The following TENM3 variants were observed in gnomAD, a reference collection of about 807,000 sequenced individuals.
The protein encoded by TENM3 is teneurin-3.
Under a neutral mutation model 255.1 loss-of-function variants are expected in TENM3, and 63 were observed. The ratio of observed to expected loss-of-function variants is 0.25; its 90% CI spans 0.20 to 0.30. The LOEUF (loss-of-function observed/expected upper bound fraction) is 0.30, where lower values mean the gene tolerates loss of function less well. Ranked by LOEUF, TENM3 falls within the 10% of genes least tolerant of loss-of-function variation. The probability of loss-of-function intolerance (pLI) is 1.00; values close to 1 mark genes in which losing one functional copy is unlikely to be tolerated. For missense variants in TENM3, 2,929 were observed against 3,461.1 expected (o/e 0.85, Z 3.86); for synonymous variants, 1,306 against 1,322.3 (o/e 0.99, Z 0.27).
the TENM3 span, among the ~76,000 whole-genome samples, chr4:182,100,145 C>T: frequency 6.6e-6 from 1 of 152,062 alleles, no homozygotes; most frequent in Non-Finnish European, 1.5e-5. Flanking sequence ...GAATCTGCCA[C>T]CAAGACCACC....
intron 1 of TENM3, 81 bp from the exon 2 acceptor site, chr4:182,323,865 T>C: frequency 1.6e-6 from 1 of 620,172 alleles, no homozygotes; most frequent in Non-Finnish European, 2.8e-6. Flanking sequence ...TTTCCTACCA[T>C]CCCAGATTGA....
the TENM3 span, among the ~76,000 whole-genome samples, chr4:181,750,077 T>C: frequency 6.6e-6 from 1 of 152,162 alleles, no homozygotes; most frequent in Admixed American, 6.5e-5. Flanking sequence ...CTTTGGTCCA[T>C]GCGGAAAGCA....
chr4:181,587,293 G>A, the TENM3 span, among the ~76,000 whole-genome samples: 1 of 152,110 alleles, frequency 6.6e-6, no homozygotes, highest in Admixed American at 6.5e-5. Context: ...GCACCTTTTA[G>A]CCATTGAATC....
At chr4:181,931,023 A>G in the TENM3 span, among the ~76,000 whole-genome samples, 2 of 152,216 alleles carry the variant, frequency 1.3e-5, no homozygotes, top group East Asian at 1.9e-4. Context: ...TCTCAAAATA[A>G]TAAGAGCTAT....
chr4:182,235,443 G>A (rs1373873097), intron 1 of TENM3, among the ~76,000 whole-genome samples: 1 of 152,176 alleles, frequency 6.6e-6, no homozygotes, highest in African/African-American at 2.4e-5. Context: ...AAAGACAGAT[G>A]TTGTCTTGTG....
chr4:182,641,295 G>A (rs1219097267), intron 5 of TENM3, among the ~76,000 whole-genome samples: 2 of 152,006 alleles, frequency 1.3e-5, no homozygotes, highest in South Asian at 2.1e-4. Flanking sequence ...GCTGTTTTTC[G>A]GATTTTGCCA....
At chr4:182,603,952 CA>C (rs1217569996) in intron 4 of TENM3, among the ~76,000 whole-genome samples, 1 of 151,876 alleles carries the variant, frequency 6.6e-6, no homozygotes, top group Non-Finnish European at 1.5e-5. Context: ...TAATTGGTTA[CA>C]AAATGGCATG....
chr4:182,260,319 T>G (rs1399812026), intron 1 of TENM3, among the ~76,000 whole-genome samples: 1 of 152,208 alleles, frequency 6.6e-6, no homozygotes, highest in East Asian at 1.9e-4. Context: ...CTCCATATAG[T>G]TTTCCATAGT....
At chr4:182,791,926 C>T (rs922809946) in intron 25 of TENM3, among the ~76,000 whole-genome samples, 26 of 152,148 alleles carry the variant, frequency 1.7e-4, no homozygotes, top group African/African-American at 5.8e-4. Flanking sequence ...ATGCTCTTTT[C>T]TCCTCAAAAT....
Position 182,691,977 on chromosome 4 carries a change from G to C in TENM3, c.2221+3626G>C, listed in dbSNP as rs576868680. The stretch of plus-strand genomic sequence containing the variant: ...CTTCAAAGGATTATACTCATGTGCT[G>C]CCACTGTTTTTCATGGGTAGGAAAT... On this transcript the variant is annotated intron_variant, in intron 12 of 27. Transcript: ENST00000511685. Among the ~76,000 whole-genome samples, 22 of 146,842 alleles carry C rather than the reference G, an allele frequency of 1.5e-4. No individual in the cohort carries two copies. In the South Asian group the frequency reaches 4.8e-3, roughly 32 times the overall value.
At chr4:182,348,632 C>T (rs1764981413) in intron 3 of TENM3, among the ~76,000 whole-genome samples, 1 of 152,156 alleles carries the variant, frequency 6.6e-6, no homozygotes, top group Non-Finnish European at 1.5e-5. Context: ...GTGCACTTTC[C>T]AAACAAACCT....
chr4:182,731,152 C>T lies in TENM3; in HGVS notation c.2967+13C>T. On this transcript the variant is annotated intron_variant, in intron 16 of 27. Coordinates refer to ENST00000511685, the MANE Select transcript of TENM3 (RefSeq NM_001080477.4). ...TCCCGAAACACAGGTAAAATATTCT[C>T]ACAGGCAGTACTTGTAAATACAAGA... 6.2e-7 allele frequency: 1 copy of T among 1,610,202 alleles called. No homozygotes were observed. The highest frequency in any genetic ancestry group is 8.5e-7 in the Non-Finnish European group (1 of 1,178,030).
intron 4 of TENM3, among the ~76,000 whole-genome samples, chr4:182,619,387 C>T (rs1294500527): frequency 5.3e-5 from 8 of 151,688 alleles, no homozygotes; most frequent in African/African-American, 1.2e-4. Flanking sequence ...GCCGAGATCA[C>T]GCTACTGCAC....
At chr4:182,493,465 T>C (rs1392010033) in intron 3 of TENM3, among the ~76,000 whole-genome samples, 1 of 152,160 alleles carries the variant, frequency 6.6e-6, no homozygotes, top group East Asian at 1.9e-4. Context: ...CAGAGCATGC[T>C]TTATGCCTTA....
chr4:181,998,776 T>C, the TENM3 span, among the ~76,000 whole-genome samples: 1 of 152,136 alleles, frequency 6.6e-6, no homozygotes, highest in African/African-American at 2.4e-5. Flanking sequence ...CCTTCCTTAT[T>C]ATGACAAAGC....
intron 2 of TENM3, among the ~76,000 whole-genome samples, chr4:182,328,561 G>A (rs573250683): frequency 6.6e-6 from 1 of 152,080 alleles, no homozygotes; most frequent in South Asian, 2.1e-4. Context: ...ATCTATGTTT[G>A]TACGTTACTG....
chr4:181,830,148 A>G, the TENM3 span, among the ~76,000 whole-genome samples: 358 of 152,332 alleles, frequency 2.4e-3, 1 homozygote, highest in Non-Finnish European at 4.0e-3. Context: ...GAGTCTTCAT[A>G]GAAAGCTTTC....
At chr4:181,835,620 G>C in the TENM3 span, among the ~76,000 whole-genome samples, 1 of 152,138 alleles carries the variant, frequency 6.6e-6, no homozygotes, top group South Asian at 2.1e-4. Flanking sequence ...TGTGATTCAG[G>C]AGAATCTATT....
At chr4:182,228,358 A>ATGTATGTGTGTGTGTGTG (rs1554035080) in intron 1 of TENM3, among the ~76,000 whole-genome samples, 1 of 109,014 alleles carries the variant, frequency 9.2e-6, no homozygotes, top group East Asian at 2.1e-4. Context: ...ATGTAATGTA[A>ATGTATGTGTGTGTGTGTG]TGTGTGTGTG....
Sources: gnomAD v4.1 joint callset for allele counts (sites outside exome capture counted in the v4.1 genomes callset) on GRCh38, gnomAD v4.1.1 for gene constraint, MANE v1.5 for transcripts, NCBI Gene and HGNC (gene_info 2026-07-23, HGNC 2026-07-21) for gene names.